The following FGD4 variants were observed in gnomAD, a reference collection of about 807,000 sequenced individuals.
The protein encoded by FGD4 is FYVE, RhoGEF and PH domain containing 4, also known as FYVE, RhoGEF and PH domain-containing protein 4.
FGD4 carries 42 observed loss-of-function variants against 102.0 expected under a neutral mutation model. That is an observed-to-expected ratio of 0.41 (90% confidence interval 0.32 to 0.53). The LOEUF is 0.53. Ranked by LOEUF, FGD4 falls within the 20% of genes least tolerant of loss-of-function variation. The pLI, the probability that FGD4 is intolerant of heterozygous loss-of-function variation, is 0.21. For missense variants in FGD4, 902 were observed against 1,078.2 expected (o/e 0.84, Z 2.29); for synonymous variants, 380 against 375.7 (o/e 1.01, Z -0.13).
chr12:32,556,887 C>G (rs1159227059), intron 1 of FGD4: 1 of 152,292 alleles, frequency 6.6e-6, no homozygotes, highest in Non-Finnish European at 1.5e-5. Flanking sequence ...GAGTCTCACT[C>G]TGTCACCTAG....
intron 7 of FGD4, among the ~76,000 whole-genome samples, chr12:32,603,296 A>C (rs995349705): frequency 6.6e-6 from 1 of 151,774 alleles, no homozygotes; most frequent in African/African-American, 2.4e-5. Flanking sequence ...GACTACACTT[A>C]TTTTTTCTTG....
At chr12:32,590,430 G>T (rs536245507) in intron 4 of FGD4, among the ~76,000 whole-genome samples, 1 of 150,490 alleles carries the variant, frequency 6.6e-6, no homozygotes, top group South Asian at 2.1e-4. Flanking sequence ...TTAACAAATA[G>T]TTCTTGAGAC....
intron 1 of FGD4, chr12:32,501,942 G>T: frequency 1.4e-6 from 1 of 728,742 alleles, no homozygotes. Context: ...AAAGCTTTTA[G>T]TTGGGCTGCA....
At chr12:32,586,543 A>G (rs1196129265) in intron 4 of FGD4, among the ~76,000 whole-genome samples, 1 of 152,250 alleles carries the variant, frequency 6.6e-6, no homozygotes. Context: ...AAACAATTAA[A>G]GCATGGAAGT....
At chr12:32,605,387 C>G (rs1948715185) in intron 7 of FGD4, among the ~76,000 whole-genome samples, 2 of 151,824 alleles carry the variant, frequency 1.3e-5, no homozygotes, top group Admixed American at 1.3e-4. Context: ...TATTGGGCTC[C>G]TGCTTTGATT....
chr12:32,579,645 G>C (rs1021879132), intron 3 of FGD4: 1 of 152,216 alleles, frequency 6.6e-6, no homozygotes, highest in Non-Finnish European at 1.5e-5. Flanking sequence ...ACTGATGTGG[G>C]CAGGAGAAGG....
chr12:32,634,558 A>G (rs1300450607), intron 15 of FGD4, among the ~76,000 whole-genome samples: 2 of 152,108 alleles, frequency 1.3e-5, no homozygotes, highest in African/African-American at 4.8e-5. Flanking sequence ...ATCTAGAGAT[A>G]TTAACAATAT....
chr12:32,486,608 G>A (rs947050006), intron 1 of FGD4, among the ~76,000 whole-genome samples: 1 of 151,986 alleles, frequency 6.6e-6, no homozygotes, highest in Non-Finnish European at 1.5e-5. Flanking sequence ...TATTTTCTTG[G>A]TCATCAATTA....
chr12:32,639,637 G>T (rs1951050854), intron 16 of FGD4, among the ~76,000 whole-genome samples: 1 of 152,146 alleles, frequency 6.6e-6, no homozygotes, highest in Admixed American at 6.5e-5. Flanking sequence ...TGATATGCAG[G>T]TTTAGCTTTT....
intron 1 of FGD4, among the ~76,000 whole-genome samples, chr12:32,492,190 T>C (rs1412846466): frequency 2.0e-5 from 3 of 152,216 alleles, no homozygotes; most frequent in South Asian, 2.1e-4. Flanking sequence ...TTAAAGAAAC[T>C]TGAAATGAAT....
intron 1 of FGD4, among the ~76,000 whole-genome samples, chr12:32,487,067 G>A (rs1374065278): frequency 6.6e-6 from 1 of 152,038 alleles, no homozygotes; most frequent in Non-Finnish European, 1.5e-5. Flanking sequence ...ATCCATTTCA[G>A]TTGCTCTACA....
intron 1 of FGD4, among the ~76,000 whole-genome samples, chr12:32,435,940 GA>G (rs1373049561): frequency 1.3e-5 from 2 of 152,212 alleles, no homozygotes; most frequent in Non-Finnish European, 2.9e-5. Flanking sequence ...TAAATACTCT[GA>G]AACAGTGGGA....
intron 1 of FGD4, among the ~76,000 whole-genome samples, chr12:32,523,432 C>T (rs1006960464): frequency 6.6e-6 from 1 of 152,084 alleles, no homozygotes. Context: ...ACTCTGTACT[C>T]ATTAATGTAG....
chr12:32,564,508 T>C (rs753158454), intron 2 of FGD4, among the ~76,000 whole-genome samples: 4 of 152,246 alleles, frequency 2.6e-5, no homozygotes, highest in Non-Finnish European at 5.9e-5. Context: ...GATCTTTTCA[T>C]GTTGCTGAAA....
intron 6 of FGD4, 24 bp downstream of exon 6, chr12:32,601,447 A>G: frequency 1.9e-6 from 3 of 1,608,546 alleles, no homozygotes; most frequent in Non-Finnish European, 2.5e-6. Context: ...ATAGAAAATG[A>G]TATGTTTAAG....
rs56752650 is a variant in FGD4, at chr12:32,500,392, T to TTTTTATTTTATTTTATTTTA, written c.167-63705_167-63686dup. 1.9e-3 allele frequency among the ~76,000 whole-genome samples: 260 copies of TTTTTATTTTATTTTATTTTA among 135,326 alleles called. 1 individual carries two copies. The highest frequency in any genetic ancestry group is 6.2e-3 in the African/African-American group (221 of 35,900). The allele number at this position is 135,326 out of a possible 152,430, so 88.8% of individuals were successfully genotyped here. ...GTCTTTCTGACCTTATTTTATTTTA[T>TTTTTATTTTATTTTATTTTA]TTTTATTTTATTTTATTTTATTTTA... On this transcript the variant is annotated intron_variant, in intron 1 of 16. Transcript: ENST00000534526.
intron 2 of FGD4, among the ~76,000 whole-genome samples, chr12:32,565,939 G>A (rs556982818): frequency 6.6e-6 from 1 of 152,200 alleles, no homozygotes; most frequent in East Asian, 1.9e-4. Context: ...TGATACCCAT[G>A]GCTAAAATTT....
Position 32,638,727 on chromosome 12 carries a change from T to G in FGD4, c.2386T>G (p.Trp796Gly). The change falls in exon 16 of 17, where the codon TGG becomes GGG. Residue 796 changes from tryptophan (W) to glycine (G), a missense_variant. Coordinates refer to ENST00000534526, the MANE Select transcript of FGD4 (RefSeq NM_001370298.3). ...FLQYMEKSKP[W>G]QKAWCVIPKQ... ...TCAGTATATGGAGAAGTCAAAACCTTGGCAGAAAGCTTGGTGTGTGATCCC... is the reference window on the plus strand; with the variant it reads ...TCAGTATATGGAGAAGTCAAAACCTGGGCAGAAAGCTTGGTGTGTGATCCC... 1 of 1,614,184 alleles carries G rather than the reference T, an allele frequency of 6.2e-7. No individual in the cohort carries two copies. Among genetic ancestry groups the G allele is most frequent in the Non-Finnish European group, 8.5e-7 (1 of 1,180,032 alleles).
rs1278538585 is a variant in FGD4, at chr12:32,624,368, C to T, written c.1923-54C>T. ...AACAGGAAAGCATAGTTTTATTCAC[C>T]CAGTGTGAATCATTAATATTATTTA... On this transcript the variant is annotated intron_variant, in intron 11 of 16. Transcript: ENST00000534526. 6.1e-6 allele frequency: 8 copies of T among 1,318,974 alleles called. No individual in the cohort carries two copies. The East Asian group carries it at 1.9e-4, about 31-fold the overall frequency. 81.7% of individuals were successfully genotyped at this position (1,318,974 alleles called of 1,614,324 possible).
Sources: allele counts gnomAD v4.1 joint callset (sites outside exome capture counted in the v4.1 genomes callset), GRCh38; gene constraint gnomAD v4.1.1; transcripts MANE v1.5; gene names NCBI Gene and HGNC (gene_info 2026-07-23, HGNC 2026-07-21).